Variants in NAALADL2 observed in about 807,000 individuals in gnomAD.
NAALADL2 encodes the protein N-acetylated alpha-linked acidic dipeptidase like 2.
Under a neutral mutation model 87.2 loss-of-function variants are expected in NAALADL2, and 76 were observed. The ratio of observed to expected loss-of-function variants is 0.87; its 90% CI spans 0.72 to 1.05. The LOEUF (loss-of-function observed/expected upper bound fraction) is 1.05, where lower values mean the gene tolerates loss of function less well. NAALADL2 is among the 50% of genes least tolerant of loss of function. The pLI is 0.00. For missense variants in NAALADL2, 1,089 were observed against 945.8 expected, an observed-to-expected ratio of 1.15 and a Z score of -1.99; for synonymous variants, 354 against 331.0, an observed-to-expected ratio of 1.07 and a Z score of -0.75.
chr3:175,243,530 A>ATTTTTT (rs1747357423), intron 3 of NAALADL2, among the ~76,000 whole-genome samples: 2 of 70,576 alleles, frequency 2.8e-5, no homozygotes, highest in African/African-American at 1.1e-4. Context: ...ACACATCAGG[A>ATTTTTT]CTTTTTTTTT....
chr3:174,801,578 C>G (rs539839809), intron 3 of NAALADL2, among the ~76,000 whole-genome samples: 48 of 152,190 alleles, frequency 3.2e-4, no homozygotes, highest in African/African-American at 1.1e-3. Context: ...TTTGGTTTAT[C>G]ATTATGTATG....
intron 2 of NAALADL2, among the ~76,000 whole-genome samples, chr3:175,218,551 A>G (rs561934099): frequency 6.6e-6 from 1 of 152,150 alleles, no homozygotes; most frequent in South Asian, 2.1e-4. Flanking sequence ...CTTACCACCT[A>G]GAGGTCTCCC....
intron 1 of NAALADL2, among the ~76,000 whole-genome samples, chr3:175,016,062 T>TATTC: frequency 6.6e-6 from 1 of 151,708 alleles, no homozygotes; most frequent in South Asian, 2.1e-4. Context: ...GAAACATTGA[T>TATTC]ATTCTGAATA....
intron 2 of NAALADL2, among the ~76,000 whole-genome samples, chr3:174,553,976 A>G (rs1293075972): frequency 1.3e-5 from 2 of 152,146 alleles, no homozygotes; most frequent in African/African-American, 4.8e-5. Context: ...CTAGCTAATA[A>G]TGTTCTCCAT....
At chr3:175,349,994 A>T (rs1487571877) in intron 5 of NAALADL2, among the ~76,000 whole-genome samples, 5 of 151,550 alleles carry the variant, frequency 3.3e-5, no homozygotes, top group Admixed American at 3.3e-4. Flanking sequence ...ACTCCTCCGA[A>T]GGCACTTCAG....
chr3:175,013,301 A>ATATATATTTTTTTT (rs1553916905), intron 1 of NAALADL2, among the ~76,000 whole-genome samples: 11 of 72,066 alleles, frequency 1.5e-4, no homozygotes, highest in African/African-American at 2.3e-4. Context: ...ATATATATAT[A>ATATATATTTTTTTT]TTTTTTTTTT....
At position 175,122,038 on chromosome 3, in the gene NAALADL2, A is replaced by T. The variant is rs1444049622; in HGVS notation, c.545+24747A>T. ...GATGAAAATAATTATGCTGTCCTGA[A>T]TTGGTAGTTGATTAAAGTCAGCTCT... On this transcript the variant is annotated intron_variant, in intron 2 of 13. Transcript: ENST00000454872. Among the ~76,000 whole-genome samples the T allele has an allele frequency of 4.6e-5, 7 of 152,006 alleles. No homozygotes were observed. In the East Asian group the frequency reaches 1.4e-3, roughly 30 times the overall value.
intron 2 of NAALADL2, among the ~76,000 whole-genome samples, chr3:174,712,026 ATC>A (rs1319187020): frequency 6.6e-6 from 1 of 151,908 alleles, no homozygotes; most frequent in African/African-American, 2.4e-5. Flanking sequence ...TGACCTTGTG[ATC>A]CACCCACCTC....
At chr3:174,575,131 TA>T (rs1378015111) in intron 2 of NAALADL2, among the ~76,000 whole-genome samples, 3 of 152,090 alleles carry the variant, frequency 2.0e-5, no homozygotes, top group East Asian at 3.9e-4. Context: ...GTTAATTTTT[TA>T]AAAAAAATTT....
At chr3:174,447,710 G>A (rs925502791) in intron 1 of NAALADL2, among the ~76,000 whole-genome samples, 1 of 152,038 alleles carries the variant, frequency 6.6e-6, no homozygotes, top group Non-Finnish European at 1.5e-5. Context: ...AGCTACTCGG[G>A]AGGCTGAGGC....
intron 10 of NAALADL2, among the ~76,000 whole-genome samples, chr3:175,611,095 A>T (rs537274737): frequency 6.6e-6 from 1 of 152,210 alleles, no homozygotes; most frequent in South Asian, 2.1e-4. Context: ...ATTTCTACTT[A>T]GCTAAGTCTA....
intron 11 of NAALADL2, among the ~76,000 whole-genome samples, chr3:175,667,179 AAGAGAAAGAAAG>A: frequency 9.4e-6 from 1 of 106,190 alleles, no homozygotes; most frequent in East Asian, 2.8e-4. Context: ...GAAAGAAAGA[AAGAGAAAGAAAG>A]AAAGAAAGAA....
At chr3:175,461,171 T>A (rs770059419) in intron 6 of NAALADL2, among the ~76,000 whole-genome samples, 8 of 151,962 alleles carry the variant, frequency 5.3e-5, no homozygotes, top group Admixed American at 1.3e-4. Flanking sequence ...ATTGGTGCGT[T>A]TTTCCAGAGT....
chr3:174,939,758 CTT>C (rs1457008263), intron 1 of NAALADL2, among the ~76,000 whole-genome samples: 2 of 151,816 alleles, frequency 1.3e-5, no homozygotes, highest in African/African-American at 4.8e-5. Context: ...ATTTTACTCT[CTT>C]TGTGGCAATT....
At chr3:174,616,936 G>T (rs1284912961) in intron 2 of NAALADL2, among the ~76,000 whole-genome samples, 2 of 151,770 alleles carry the variant, frequency 1.3e-5, no homozygotes, top group East Asian at 3.9e-4. Flanking sequence ...CTGTTGTATT[G>T]TTTTAATAGT....
intron 5 of NAALADL2, among the ~76,000 whole-genome samples, chr3:175,435,473 G>C (rs771558863): frequency 2.6e-5 from 4 of 151,962 alleles, no homozygotes; most frequent in Non-Finnish European, 5.9e-5. Context: ...CCAAAATCTA[G>C]TTTAACACCT....
At chr3:175,737,189 T>C (rs1258430580) in intron 11 of NAALADL2, 117 bp from the exon 12 acceptor site, 1 of 628,500 alleles carries the variant, frequency 1.6e-6, no homozygotes, top group Non-Finnish European at 2.8e-6. Flanking sequence ...AACTATATTA[T>C]TCCTGTGTGT....
intron 1 of NAALADL2, among the ~76,000 whole-genome samples, chr3:175,041,130 CT>C (rs1754028177): frequency 6.6e-6 from 1 of 152,080 alleles, no homozygotes; most frequent in South Asian, 2.1e-4. Flanking sequence ...TGAAAAGTCA[CT>C]TTTCATGCTG....
chr3:175,770,054 CA>C, intron 13 of NAALADL2, among the ~76,000 whole-genome samples: 1 of 152,050 alleles, frequency 6.6e-6, no homozygotes, highest in Non-Finnish European at 1.5e-5. Context: ...CCTTTAAAGT[CA>C]ACTGATTATA....
Sources: allele counts gnomAD v4.1 joint callset (sites outside exome capture counted in the v4.1 genomes callset), GRCh38; gene constraint gnomAD v4.1.1; transcripts MANE v1.5; gene names NCBI Gene and HGNC (gene_info 2026-07-23, HGNC 2026-07-21).